Variants in TRPS1 observed in about 807,000 individuals in gnomAD.
TRPS1 encodes zinc finger transcription factor Trps1.
TRPS1 carries 6 observed loss-of-function variants against 101.2 expected under a neutral mutation model. The observed-to-expected ratio is 0.06, with a 90% CI of 0.03 to 0.12. TRPS1 has a LOEUF of 0.12. Among genes scored for constraint, TRPS1 ranks in the 10% least tolerant of loss-of-function variants. TRPS1 has a pLI of 1.00. For missense variants in TRPS1, 1,363 were observed against 1,567.0 expected, an observed-to-expected ratio of 0.87 and a Z score of 2.20; for synonymous variants, 578 against 589.8, an observed-to-expected ratio of 0.98 and a Z score of 0.29.
In TRPS1 at chr8:115,604,098, C is replaced by A; in HGVS notation, c.1871G>T (p.Arg624Leu). ...ACACTGATGGCACTGATGTTTGACT[C>A]GCGAGCTTCCAGCCGCCCCAGGAGA... ...HLSPGAAGSS[R>L]VKHQCHQCSF... Residue 624 changes from arginine (R) to leucine (L), a missense_variant, in exon 4 of 7, where the codon CGA (arginine) becomes CTA (leucine). By Grantham distance (102) the Arg-to-Leu change is moderately radical. Around this residue, in one of 5 missense-constraint regions of TRPS1, gnomAD observed 1,020 missense variants for 1,073.0 expected, o/e 0.95. Coordinates refer to ENST00000395715, the MANE Select transcript of TRPS1 (RefSeq NM_014112.5). The surrounding 1 kb of genome is among the most constrained non-coding windows in gnomAD (Gnocchi z 4.1). 6.2e-7 allele frequency: 1 copy of A among 1,614,030 alleles called. No individual in the cohort carries two copies. Among genetic ancestry groups the A allele is most frequent in the Non-Finnish European group, 8.5e-7 (1 of 1,179,986 alleles).
Position 115,411,913 on chromosome 8 carries a change from C to T in TRPS1, c.*2110G>A, listed in dbSNP as rs571351801. ...CACGAACTGGTTGAACTCTACCTGCCATCCAACTTTAAGAAACGAAGACCC... is the reference window on the plus strand; with the variant it reads ...CACGAACTGGTTGAACTCTACCTGCTATCCAACTTTAAGAAACGAAGACCC... On this transcript the variant is annotated 3_prime_UTR_variant, in exon 7 of 7. Transcript: ENST00000395715. 3.4e-4 allele frequency: 52 copies of T among 152,284 alleles called. 1 individual carries two copies. In the South Asian group the frequency reaches 0.011, roughly 31 times the overall value. The allele number at this position is 152,284 out of a possible 1,614,324, so 9.4% of individuals were successfully genotyped here.
intron 1 of TRPS1, among the ~76,000 whole-genome samples, chr8:115,655,515 G>A (rs1010615101): frequency 1.3e-5 from 2 of 152,008 alleles, no homozygotes; most frequent in South Asian, 2.1e-4. Context: ...TTCCAGGGAG[G>A]TGATTTCATC....
intron 4 of TRPS1, among the ~76,000 whole-genome samples, chr8:115,597,953 T>C (rs2737205): frequency 0.68 from 103,629 of 152,040 alleles, 36,365 homozygotes; most frequent in African/African-American, 0.84. Context: ...CAGGTGTATA[T>C]ACAGTATGCA....
intron 3 of TRPS1, among the ~76,000 whole-genome samples, chr8:115,616,440 A>T (rs999209946): frequency 4.6e-5 from 7 of 152,106 alleles, no homozygotes; most frequent in Admixed American, 1.3e-4. Context: ...AAGTCCATTC[A>T]AATTATTTAA....
At chr8:115,489,025 C>T (rs546393475) in intron 5 of TRPS1, among the ~76,000 whole-genome samples, 1 of 152,110 alleles carries the variant, frequency 6.6e-6, no homozygotes, top group South Asian at 2.1e-4. Context: ...TAAACTCCCA[C>T]TCCATTATAA....
intron 5 of TRPS1, chr8:115,515,153 T>C (rs996808492): frequency 5.9e-6 from 4 of 676,218 alleles, no homozygotes; most frequent in Non-Finnish European, 8.1e-6. Context: ...CAAAGACATA[T>C]TCAATGTCCA....
chr8:115,427,398 G>T (rs555456199), intron 5 of TRPS1, among the ~76,000 whole-genome samples: 204 of 152,096 alleles, frequency 1.3e-3, no homozygotes, highest in Non-Finnish European at 2.1e-3. Context: ...ACATATGTTT[G>T]CAGGATAACA....
intron 4 of TRPS1, 96 bp from the exon 5 acceptor site, chr8:115,587,700 T>A: frequency 6.3e-7 from 1 of 1,582,386 alleles, no homozygotes; most frequent in Non-Finnish European, 8.6e-7. Flanking sequence ...TACCTACTCA[T>A]GCAATATAGT....
intron 4 of TRPS1, 47 bp downstream of exon 4, chr8:115,603,826 A>G (rs1325718773): frequency 1.5e-4 from 241 of 1,605,668 alleles, no homozygotes; most frequent in African/African-American, 1.9e-4. Flanking sequence ...GATTTTTTCT[A>G]TTATTTTATT....
At chr8:115,653,582 C>T (rs1811611816) in intron 1 of TRPS1, among the ~76,000 whole-genome samples, 1 of 152,086 alleles carries the variant, frequency 6.6e-6, no homozygotes, top group Non-Finnish European at 1.5e-5. Flanking sequence ...CACCAGCAAA[C>T]TGTTTCATTT....
chr8:115,486,469 T>A (rs186511586), intron 5 of TRPS1, among the ~76,000 whole-genome samples: 1 of 152,228 alleles, frequency 6.6e-6, no homozygotes, highest in South Asian at 2.1e-4. Flanking sequence ...AAAACAGAAA[T>A]GATTAAGCTT....
intron 4 of TRPS1, among the ~76,000 whole-genome samples, chr8:115,591,304 T>C (rs1817674870): frequency 1.3e-5 from 2 of 152,194 alleles, no homozygotes; most frequent in African/African-American, 2.4e-5. Context: ...TAATTAAGAT[T>C]ATGTTACTTC....
intron 5 of TRPS1, among the ~76,000 whole-genome samples, chr8:115,517,099 C>T (rs1184123216): frequency 3.3e-5 from 5 of 151,466 alleles, no homozygotes; most frequent in Non-Finnish European, 7.4e-5. Flanking sequence ...TATGGTTGTT[C>T]ATCCAAATCT....
At chr8:115,551,071 A>G (rs1816692990) in intron 5 of TRPS1, among the ~76,000 whole-genome samples, 1 of 152,236 alleles carries the variant, frequency 6.6e-6, no homozygotes, top group South Asian at 2.1e-4. Context: ...CCCTCCAGCC[A>G]AAGTGCACAG....
Position 115,450,447 on chromosome 8 carries a change from A to G in TRPS1, c.2701-31995T>C, listed in dbSNP as rs544064808. Among the ~76,000 whole-genome samples, 6 of 152,260 alleles carry G rather than the reference A, an allele frequency of 3.9e-5. No individual in the cohort carries two copies. In the South Asian group the frequency reaches 1.2e-3, roughly 32 times the overall value. On this transcript the variant is annotated intron_variant, in intron 5 of 6. Transcript: ENST00000395715. Reference sequence around the variant, plus strand: ...CTTACATTCCATTTCCAAAAATTAGATAATACAATAAAGCGCCAATGATTT... The same window carrying G: ...CTTACATTCCATTTCCAAAAATTAGGTAATACAATAAAGCGCCAATGATTT...
rs73367476 is a variant in TRPS1 at position 115,456,979 on chromosome 8, C to A, written c.2701-38527G>T. On this transcript the variant is annotated intron_variant, in intron 5 of 6. Coordinates refer to ENST00000395715, the MANE Select transcript of TRPS1 (RefSeq NM_014112.5). ...TAATTTGCTCATTTAATAACTGCTT[C>A]CTGAGGGCCTATGAGCTAAGGACAG... 5.9e-3 allele frequency among the ~76,000 whole-genome samples: 899 copies of A among 152,208 alleles called. 6 individuals carry two copies. The highest frequency in any genetic ancestry group is 0.021 in the African/African-American group (857 of 41,508).
chr8:115,550,081 G>C (rs1816668401), intron 5 of TRPS1, among the ~76,000 whole-genome samples: 1 of 152,128 alleles, frequency 6.6e-6, no homozygotes, highest in Non-Finnish European at 1.5e-5. Context: ...GCCAGGCGTG[G>C]TGGTGGGCAC....
intron 1 of TRPS1, among the ~76,000 whole-genome samples, chr8:115,626,293 A>T (rs1008350962): frequency 6.6e-6 from 1 of 151,652 alleles, no homozygotes; most frequent in Admixed American, 6.6e-5. Flanking sequence ...TAGGGAAAAA[A>T]AAAAAACACT....
At chr8:115,495,501 A>G (rs1215341081) in intron 5 of TRPS1, among the ~76,000 whole-genome samples, 1 of 149,644 alleles carries the variant, frequency 6.7e-6, no homozygotes, top group Non-Finnish European at 1.5e-5. Flanking sequence ...ATAAATTTAT[A>G]TCATATATAA....
Sources: gnomAD v4.1 joint callset for allele counts (sites outside exome capture counted in the v4.1 genomes callset) on GRCh38, gnomAD v4.1.1 for gene constraint, gnomAD v4.1.1 regional missense constraint, Gnocchi (gnomAD v3.1) non-coding constraint, MANE v1.5 for transcripts, NCBI Gene and HGNC (gene_info 2026-07-23, HGNC 2026-07-21) for gene names.